HEXIM1: variants seen among roughly 807,000 people sequenced by gnomAD.
HEXIM1 encodes protein HEXIM1.
HEXIM1 carries 1 observed loss-of-function variant against 30.3 expected under a neutral mutation model. The ratio of observed to expected loss-of-function variants is 0.03; its 90% CI spans 0.01 to 0.16. The LOEUF is 0.16. Among genes scored for constraint, HEXIM1 ranks in the 10% least tolerant of loss-of-function variants. The pLI, the probability that HEXIM1 is intolerant of heterozygous loss-of-function variation, is 1.00. For missense variants in HEXIM1, 391 were observed against 476.4 expected (o/e 0.82, Z 1.67); for synonymous variants, 245 against 208.3 (o/e 1.18, Z -1.52).
rs2055528419 is a variant in HEXIM1, at chr17:45,149,355, G to A, written c.165G>A (p.Leu55=). 6.2e-7 allele frequency: 1 copy of A among 1,613,482 alleles called. No homozygotes were observed. The highest frequency in any genetic ancestry group is 1.3e-5 in the African/African-American group (1 of 75,050). ...SRWQSRAFPQ[L]GGRPGPEGEG... is the part of the protein sequence containing the mutation. Reference sequence around the variant, plus strand: ...GGCAATCGAGAGCGTTCCCCCAGTTGGGTGGCCGTCCGGGGCCGGAGGGGG... The same window carrying A: ...GGCAATCGAGAGCGTTCCCCCAGTTAGGTGGCCGTCCGGGGCCGGAGGGGG... The change falls in exon 1 of 1, where the codon TTG becomes TTA. Residue 55 remains leucine, a synonymous_variant. Transcript: ENST00000332499. This position sits in a 1 kb window ranked among gnomAD's most constrained non-coding sequence, Gnocchi z 5.3.
In HEXIM1 at chr17:45,149,688, G is replaced by T; in HGVS notation, c.498G>T (p.Pro166=). Residue 166 remains proline, a synonymous_variant, in exon 1 of 1, where the codon CCG becomes CCT. Coordinates refer to ENST00000332499, the MANE Select transcript of HEXIM1 (RefSeq NM_006460.3). This position sits in a 1 kb window ranked among gnomAD's most constrained non-coding sequence, Gnocchi z 5.3. ...RPSKKKRHWK[P]YYKLTWEEKK... The stretch of plus-strand genomic sequence containing the variant: ...CCAAGAAGAAGCGGCATTGGAAACC[G>T]TACTACAAGCTGACCTGGGAAGAGA... 6.2e-7 allele frequency: 1 copy of T among 1,612,418 alleles called. No individual in the cohort carries two copies. The highest frequency in any genetic ancestry group is 2.2e-5 in the East Asian group (1 of 44,846).
At position 45,150,000 on chromosome 17, in the gene HEXIM1, G is replaced by T; in HGVS notation, c.810G>T (p.Thr270=). 2 of 1,614,104 alleles carry T rather than the reference G, an allele frequency of 1.2e-6. No homozygotes were observed. The highest frequency in any genetic ancestry group is 1.7e-6 in the Non-Finnish European group (2 of 1,180,032). Residue 270 remains threonine (T), a synonymous_variant, in exon 1 of 1, where the codon ACG becomes ACT. Transcript: ENST00000332499. The surrounding 1 kb of genome is among the most constrained non-coding windows in gnomAD (Gnocchi z 5.3). ...SEFLQRDFSE[T]YERYHTESLQ... ...TTCTGCAGCGGGACTTCTCGGAGAC[G>T]TACGAGCGGTACCACACGGAGAGCC... is the stretch of plus-strand genomic sequence containing the variant.
chr17:45,149,921 AAGG>A lies in HEXIM1; in HGVS notation c.732_734del (p.Gly246del). On this transcript the variant is annotated inframe_deletion, in exon 1 of 1. Transcript: ENST00000332499. The surrounding 1 kb of genome is among the most constrained non-coding windows in gnomAD (Gnocchi z 5.3). ...ACCAGCGATGACGACTTCATGGAAG[AAGG>A]GGGTGAGGAGGATGGGGGCAGCGAT... 6.2e-7 allele frequency: 1 copy of A among 1,613,722 alleles called. No homozygotes were observed. Among genetic ancestry groups the A allele is most frequent in the Non-Finnish European group, 8.5e-7 (1 of 1,179,996 alleles).
At position 45,148,873 on chromosome 17, in the gene HEXIM1, C is replaced by T. The variant is rs77596143; in HGVS notation, c.-318C>T. The T allele has an allele frequency of 4.1e-3, 1,799 of 441,078 alleles. 21 individuals are homozygous for T. The highest frequency in any genetic ancestry group is 0.033 in the African/African-American group (1,641 of 49,280). The allele number at this position is 441,078 out of a possible 1,614,324, so 27.3% of individuals were successfully genotyped here. On this transcript the variant is annotated 5_prime_UTR_variant, in exon 1 of 1. Coordinates refer to ENST00000332499, the MANE Select transcript of HEXIM1 (RefSeq NM_006460.3). ...ACCCTCATCACCTTGCTCACCAACT[C>T]CTTTATTGGGGTGCTCCGCTTGGAG...
At position 45,150,268 on chromosome 17, in the gene HEXIM1, T is replaced by G. The variant is rs758595649; in HGVS notation, c.1078T>G (p.Ter360GluextTer19). The G allele has an allele frequency of 6.2e-7, 1 of 1,606,504 alleles. No individual in the cohort carries two copies. Among genetic ancestry groups the G allele is most frequent in the Non-Finnish European group, 8.5e-7 (1 of 1,175,014 alleles). The part of the protein sequence containing the change: ...ERAPLSKFGD[*>E] ...AGCGCCGCTTTCCAAGTTTGGAGAC[T>G]AGACTGAAACTTTTTTGGGGGAGGG... The change falls in exon 1 of 1, where the codon TAG becomes GAG. Residue 360 changes from the stop codon to glutamate, a stop_lost. Coordinates refer to ENST00000332499, the MANE Select transcript of HEXIM1 (RefSeq NM_006460.3).
rs139710804 is a variant in HEXIM1, at chr17:45,149,302, G to C, written c.112G>C (p.Glu38Gln). Residue 38 changes from glutamate to glutamine, a missense_variant, in exon 1 of 1, where the codon GAG becomes CAG. By Grantham distance (29) the Glu-to-Gln change is conservative. This residue lies in a region of HEXIM1 where 230 missense variants were observed against 199.4 expected (regional missense o/e 1.15). Coordinates refer to ENST00000332499, the MANE Select transcript of HEXIM1 (RefSeq NM_006460.3). The surrounding 1 kb of genome is among the most constrained non-coding windows in gnomAD (Gnocchi z 5.3). The part of the protein sequence containing the change: ...LNPERPPGAE[E>Q]RVPEEDSRWQ... ...CCCTGAGCGCCCCCCAGGCGCGGAG[G>C]AGCGGGTGCCCGAGGAGGACAGTAG... is the stretch of plus-strand genomic sequence containing the variant. 2 of 1,613,758 alleles carry C rather than the reference G, an allele frequency of 1.2e-6. No homozygotes were observed. The highest frequency in any genetic ancestry group is 2.2e-5 in the East Asian group (1 of 44,878).
chr17:45,152,021 G>C lies in HEXIM1; in HGVS notation c.*1751G>C, dbSNP rs1159646908. On this transcript the variant is annotated 3_prime_UTR_variant, in exon 1 of 1. Coordinates refer to ENST00000332499, the MANE Select transcript of HEXIM1 (RefSeq NM_006460.3). ...GCTGGACTGAGTTGGTCCTGTTCTGGCACATATGGTCCACTGGAGACAATG... is the reference window on the plus strand; with the variant it reads ...GCTGGACTGAGTTGGTCCTGTTCTGCCACATATGGTCCACTGGAGACAATG... 1 of 167,092 alleles carries C rather than the reference G, an allele frequency of 6.0e-6. No homozygotes were observed. The highest frequency in any genetic ancestry group is 1.5e-5 in the Non-Finnish European group (1 of 68,118). 10.4% of individuals were successfully genotyped at this position (167,092 alleles called of 1,614,324 possible).
rs745618309 is a variant in HEXIM1 at position 45,149,155 on chromosome 17, G to A, written c.-36G>A. On this transcript the variant is annotated 5_prime_UTR_variant, in exon 1 of 1. Coordinates refer to ENST00000332499, the MANE Select transcript of HEXIM1 (RefSeq NM_006460.3). This position sits in a 1 kb window ranked among gnomAD's most constrained non-coding sequence, Gnocchi z 5.3. ...CATTTTTTTCCTTAAGGACTTACTA[G>A]CCAAAATTTCTTAAACTTCGAGGAC... is the stretch of plus-strand genomic sequence containing the variant. 1.3e-6 allele frequency: 2 copies of A among 1,506,268 alleles called. No individual in the cohort carries two copies. The highest frequency in any genetic ancestry group is 2.6e-5 in the South Asian group (2 of 77,414). 93.3% of individuals were successfully genotyped at this position (1,506,268 alleles called of 1,614,324 possible).
At position 45,149,311 on chromosome 17, in the gene HEXIM1, C is replaced by T. The variant is rs994661450; in HGVS notation, c.121C>T (p.Pro41Ser). 2.5e-6 allele frequency: 4 copies of T among 1,613,694 alleles called. No homozygotes were observed. The highest frequency in any genetic ancestry group is 8.5e-7 in the Non-Finnish European group (1 of 1,180,000). ...ERPPGAEERV[P>S]EEDSRWQSRA... ...CCCCCCAGGCGCGGAGGAGCGGGTG[C>T]CCGAGGAGGACAGTAGGTGGCAATC... Residue 41 changes from proline (P) to serine (S), a missense_variant, in exon 1 of 1, where the codon CCC becomes TCC. Pro to Ser is a moderately conservative substitution (Grantham distance 74). Coordinates refer to ENST00000332499, the MANE Select transcript of HEXIM1 (RefSeq NM_006460.3). This position sits in a 1 kb window ranked among gnomAD's most constrained non-coding sequence, Gnocchi z 5.3.
chr17:45,150,496 A>G lies in HEXIM1; in HGVS notation c.*226A>G. 3.8e-6 allele frequency: 2 copies of G among 527,418 alleles called. No individual in the cohort carries two copies. Among genetic ancestry groups the G allele is most frequent in the Non-Finnish European group, 6.7e-6 (2 of 300,366 alleles). The allele number at this position is 527,418 out of a possible 1,614,324, so 32.7% of individuals were successfully genotyped here. ...AGTTGCTTTTCTTGTTTTCCTTTTT[A>G]GAAGTTTTTTTCCTTAATGTGAAAG... is the stretch of plus-strand genomic sequence containing the variant. On this transcript the variant is annotated 3_prime_UTR_variant, in exon 1 of 1. Transcript: ENST00000332499.
chr17:45,151,742 C>A lies in HEXIM1; in HGVS notation c.*1472C>A, dbSNP rs1056084943. ...TGAACCCCATGAAATTATTTGTAGACTTGTATGTACATTTTTCTGGGGAGA... is the reference window on the plus strand; with the variant it reads ...TGAACCCCATGAAATTATTTGTAGAATTGTATGTACATTTTTCTGGGGAGA... On this transcript the variant is annotated 3_prime_UTR_variant, in exon 1 of 1. Coordinates refer to ENST00000332499, the MANE Select transcript of HEXIM1 (RefSeq NM_006460.3). 2 of 166,996 alleles carry A rather than the reference C, an allele frequency of 1.2e-5. No homozygotes were observed. The highest frequency in any genetic ancestry group is 2.9e-5 in the Non-Finnish European group (2 of 68,122). 10.3% of individuals were successfully genotyped at this position (166,996 alleles called of 1,614,324 possible).
chr17:45,149,778 G>A lies in HEXIM1; in HGVS notation c.588G>A (p.Lys196=). The change falls in exon 1 of 1, where the codon AAG becomes AAA. Residue 196 remains lysine (K), a synonymous_variant. Coordinates refer to ENST00000332499, the MANE Select transcript of HEXIM1 (RefSeq NM_006460.3). The surrounding 1 kb of genome is among the most constrained non-coding windows in gnomAD (Gnocchi z 5.3). ...GGATCCGAGCCGAGATGTTCGCCAA[G>A]GGCCAGCCGGTCGCGCCCTATAACA... ...ASRIRAEMFA[K]GQPVAPYNTT... is the part of the protein sequence containing the mutation. 1.2e-6 allele frequency: 2 copies of A among 1,613,912 alleles called. No individual in the cohort carries two copies. The highest frequency in any genetic ancestry group is 1.7e-6 in the Non-Finnish European group (2 of 1,180,004).
chr17:45,149,044 C>G lies in HEXIM1; in HGVS notation c.-147C>G. The G allele has an allele frequency of 1.3e-6, 1 of 796,868 alleles. No homozygotes were observed. Among genetic ancestry groups the G allele is most frequent in the East Asian group, 2.6e-5 (1 of 37,802 alleles). The allele number at this position is 796,868 out of a possible 1,614,324, so 49.4% of individuals were successfully genotyped here. On this transcript the variant is annotated 5_prime_UTR_variant, in exon 1 of 1. Coordinates refer to ENST00000332499, the MANE Select transcript of HEXIM1 (RefSeq NM_006460.3). This position sits in a 1 kb window ranked among gnomAD's most constrained non-coding sequence, Gnocchi z 5.3. ...TGGAGTTTGCTGATAGAAGGACTAGCTAAAGGCGTCACTGCAGGAATTACA... is the reference window on the plus strand; with the variant it reads ...TGGAGTTTGCTGATAGAAGGACTAGGTAAAGGCGTCACTGCAGGAATTACA...
In HEXIM1 at chr17:45,150,341, T is replaced by C. The variant is rs1321473932; in HGVS notation, c.*71T>C. The C allele has an allele frequency of 3.9e-6, 6 of 1,525,904 alleles. No individual in the cohort carries two copies. The East Asian group carries it at 6.8e-5, about 17-fold the overall frequency. The allele number at this position is 1,525,904 out of a possible 1,614,324, so 94.5% of individuals were successfully genotyped here. ...GATGGAATGTAACATTATATACATGTGTATATAAGACAGTGGACCTTTTTA... is the reference window on the plus strand; with the variant it reads ...GATGGAATGTAACATTATATACATGCGTATATAAGACAGTGGACCTTTTTA... On this transcript the variant is annotated 3_prime_UTR_variant, in exon 1 of 1. Coordinates refer to ENST00000332499, the MANE Select transcript of HEXIM1 (RefSeq NM_006460.3).
Position 45,148,593 on chromosome 17 carries a change from G to C in HEXIM1, c.-598G>C, listed in dbSNP as rs1165638644. On this transcript the variant is annotated 5_prime_UTR_variant, in exon 1 of 1. Transcript: ENST00000332499. ...GAGGAAAAGAGGAGGAGGCGGAGGA[G>C]AACTGAGCAGAGCAGAGCATCGAGC... 9 of 399,492 alleles carry C rather than the reference G, an allele frequency of 2.3e-5. No homozygotes were observed. Among genetic ancestry groups the C allele is most frequent in the African/African-American group, 1.9e-4 (9 of 48,616 alleles). The allele number at this position is 399,492 out of a possible 1,614,324, so 24.7% of individuals were successfully genotyped here. A position where few individuals can be genotyped will look rare whatever the true frequency, so the allele number is the denominator to read the frequency against.
At position 45,149,150 on chromosome 17, in the gene HEXIM1, T is replaced by C. The variant is rs373987297; in HGVS notation, c.-41T>C. 8.7e-5 allele frequency: 134 copies of C among 1,538,046 alleles called. No individual in the cohort carries two copies. Among genetic ancestry groups the C allele is most frequent in the Admixed American group, 2.2e-5 (1 of 46,368 alleles). ...AAACCCATTTTTTTCCTTAAGGACT[T>C]ACTAGCCAAAATTTCTTAAACTTCG... is the stretch of plus-strand genomic sequence containing the variant. On this transcript the variant is annotated 5_prime_UTR_variant, in exon 1 of 1. Transcript: ENST00000332499. This position sits in a 1 kb window ranked among gnomAD's most constrained non-coding sequence, Gnocchi z 5.3.
Position 45,151,110 on chromosome 17 carries a change from C to T in HEXIM1, c.*840C>T, listed in dbSNP as rs187311877. ...TTCCTACAAGTTGGTTTTCAGTAAT[C>T]TCTTCCTTCCCCCCAGTAAGGCTGG... On this transcript the variant is annotated 3_prime_UTR_variant, in exon 1 of 1. Transcript: ENST00000332499. 1 of 167,152 alleles carries T rather than the reference C, an allele frequency of 6.0e-6. No homozygotes were observed. The highest frequency in any genetic ancestry group is 2.4e-5 in the African/African-American group (1 of 41,568). The allele number at this position is 167,152 out of a possible 1,614,324, so 10.4% of individuals were successfully genotyped here. A position where few individuals can be genotyped will look rare whatever the true frequency, so the allele number is the denominator to read the frequency against.
rs2055538608 is a variant in HEXIM1 at position 45,150,339 on chromosome 17, T to C, written c.*69T>C. ...GTGATGGAATGTAACATTATATACA[T>C]GTGTATATAAGACAGTGGACCTTTT... On this transcript the variant is annotated 3_prime_UTR_variant, in exon 1 of 1. Coordinates refer to ENST00000332499, the MANE Select transcript of HEXIM1 (RefSeq NM_006460.3). 8.6e-6 allele frequency: 13 copies of C among 1,509,166 alleles called. No individual in the cohort carries two copies. Among genetic ancestry groups the C allele is most frequent in the South Asian group, 2.5e-5 (2 of 80,162 alleles). The allele number at this position is 1,509,166 out of a possible 1,614,324, so 93.5% of individuals were successfully genotyped here.
rs997548764 is a variant in HEXIM1 at position 45,149,740 on chromosome 17, C to T, written c.550C>T (p.Leu184Phe). ...EKKKFDEKQS[L>F]RASRIRAEMF... ...GAAAAAGTTCGACGAGAAACAGAGC[C>T]TTCGAGCTTCAAGGATCCGAGCCGA... The change falls in exon 1 of 1, where the codon CTT becomes TTT. Residue 184 changes from leucine (L) to phenylalanine (F), a missense_variant. By Grantham distance (22) the Leu-to-Phe change is conservative (BLOSUM62 0). This residue lies in a region of HEXIM1 where 30 missense variants were observed against 88.1 expected (regional missense o/e 0.34). Transcript: ENST00000332499. The surrounding 1 kb of genome is among the most constrained non-coding windows in gnomAD (Gnocchi z 5.3). The T allele has an allele frequency of 6.2e-7, 1 of 1,613,516 alleles. No individual in the cohort carries two copies. The highest frequency in any genetic ancestry group is 1.7e-5 in the Admixed American group (1 of 59,980).
Sources: allele counts gnomAD v4.1 joint callset, GRCh38; gene constraint gnomAD v4.1.1; regional missense constraint gnomAD v4.1.1; non-coding constraint Gnocchi (gnomAD v3.1); transcripts MANE v1.5; gene names NCBI Gene and HGNC (gene_info 2026-07-23, HGNC 2026-07-21).